The following GNB4 variants were observed in gnomAD, a reference collection of about 807,000 sequenced individuals.
GNB4 encodes G protein subunit beta 4, also known as guanine nucleotide-binding protein subunit beta-4.
Under a neutral mutation model 45.2 loss-of-function variants are expected in GNB4, and 28 were observed. The observed-to-expected ratio is 0.62, with a 90% CI of 0.46 to 0.85. The LOEUF is 0.85. Among genes scored for constraint, GNB4 ranks in the 40% least tolerant of loss-of-function variants. The pLI, the probability that GNB4 is intolerant of heterozygous loss-of-function variation, is 0.00. For missense variants in GNB4, 321 were observed against 425.4 expected, an observed-to-expected ratio of 0.75 and a Z score of 2.16; for synonymous variants, 132 against 143.7, an observed-to-expected ratio of 0.92 and a Z score of 0.58.
chr3:179,449,422 C>T (rs140597822), intron 1 of GNB4, among the ~76,000 whole-genome samples: 1 of 152,308 alleles, frequency 6.6e-6, no homozygotes, highest in East Asian at 1.9e-4. Context: ...AAACATGCTT[C>T]TGGCATGTCT....
At chr3:179,408,806 GAAAGAAACTCAAAAAAAA>G (rs1351133795) in intron 8 of GNB4, among the ~76,000 whole-genome samples, 2 of 139,748 alleles carry the variant, frequency 1.4e-5, no homozygotes, top group Non-Finnish European at 3.2e-5. Context: ...AAAAGAAAAA[GAAAGAAACTCAAAAAAAA>G]AAAGAAACTC....
chr3:179,488,110 C>T, the GNB4 span, among the ~76,000 whole-genome samples: 2 of 151,988 alleles, frequency 1.3e-5, no homozygotes, highest in South Asian at 4.2e-4. Context: ...AACTGATCCT[C>T]CTGTTCCAAA....
chr3:179,450,813 C>T (rs1715849566), intron 1 of GNB4, among the ~76,000 whole-genome samples: 1 of 152,198 alleles, frequency 6.6e-6, no homozygotes, highest in Non-Finnish European at 1.5e-5. Flanking sequence ...AATCCCCTCC[C>T]ATCCCCAAAC....
the GNB4 span, among the ~76,000 whole-genome samples, chr3:179,487,248 A>C: frequency 6.6e-6 from 1 of 152,258 alleles, no homozygotes; most frequent in African/African-American, 2.4e-5. Context: ...TGAATATGCC[A>C]ATAAAATTTG....
the GNB4 span, among the ~76,000 whole-genome samples, chr3:179,527,719 T>C: frequency 1.3e-5 from 2 of 152,178 alleles, no homozygotes; most frequent in South Asian, 4.1e-4. Flanking sequence ...ACTTACCTAC[T>C]TCATTTGTGA....
rs573701390 is a variant in GNB4, at chr3:179,408,581, A to G, written c.700-3175T>C. On this transcript the variant is annotated intron_variant, in intron 8 of 9. Transcript: ENST00000232564. Reference sequence around the variant, plus strand: ...CGAGGCAGACAGATCACCTGAGGTCAGGAGTTCAAGACCAGCCTGGCCAAT... The same window carrying G: ...CGAGGCAGACAGATCACCTGAGGTCGGGAGTTCAAGACCAGCCTGGCCAAT... Among the ~76,000 whole-genome samples, 3 of 152,232 alleles carry G rather than the reference A, an allele frequency of 2.0e-5. No homozygotes were observed. The South Asian group carries it at 6.2e-4, about 32-fold the overall frequency.
the GNB4 span, among the ~76,000 whole-genome samples, chr3:179,516,424 A>G: frequency 6.6e-6 from 1 of 152,196 alleles, no homozygotes; most frequent in Non-Finnish European, 1.5e-5. Flanking sequence ...ACCCAGACTA[A>G]GAGGTATTTT....
intron 1 of GNB4, among the ~76,000 whole-genome samples, chr3:179,430,970 A>G (rs1273613116): frequency 1.3e-5 from 2 of 152,164 alleles, no homozygotes; most frequent in Admixed American, 6.6e-5. Context: ...GAAGTATTTT[A>G]AAGTCAGTTA....
At chr3:179,503,930 T>G in the GNB4 span, among the ~76,000 whole-genome samples, 1 of 152,148 alleles carries the variant, frequency 6.6e-6, no homozygotes, top group South Asian at 2.1e-4. Flanking sequence ...TTCTTTTGCT[T>G]GTAAGATGGA....
intron 1 of GNB4, among the ~76,000 whole-genome samples, chr3:179,438,888 C>T (rs144717384): frequency 1.1e-3 from 162 of 152,310 alleles, no homozygotes; most frequent in African/African-American, 3.9e-3. Context: ...CTTGCCCCAC[C>T]TCATTAGCAG....
chr3:179,404,626 G>A (rs1267349630), intron 9 of GNB4, among the ~76,000 whole-genome samples: 4 of 152,184 alleles, frequency 2.6e-5, no homozygotes, highest in Non-Finnish European at 4.4e-5. Context: ...AGCAACTGCT[G>A]TGTTTTGGTA....
At chr3:179,404,581 T>C (rs1041007403) in intron 9 of GNB4, among the ~76,000 whole-genome samples, 9 of 152,212 alleles carry the variant, frequency 5.9e-5, no homozygotes, top group Admixed American at 1.3e-4. Context: ...TAAATGTAGT[T>C]ACTTTGGGGA....
chr3:179,446,420 A>G (rs1375861347), intron 1 of GNB4, among the ~76,000 whole-genome samples: 2 of 152,264 alleles, frequency 1.3e-5, no homozygotes, highest in Non-Finnish European at 2.9e-5. Context: ...AGTATATTTA[A>G]GCAGGAATTC....
At chr3:179,438,411 C>T (rs1430366250) in intron 1 of GNB4, among the ~76,000 whole-genome samples, 2 of 152,120 alleles carry the variant, frequency 1.3e-5, no homozygotes, top group East Asian at 1.9e-4. Flanking sequence ...GATCTCTACC[C>T]CTATGGGATT....
At chr3:179,440,746 C>A (rs533517106) in intron 1 of GNB4, among the ~76,000 whole-genome samples, 25 of 152,166 alleles carry the variant, frequency 1.6e-4, no homozygotes, top group African/African-American at 5.8e-4. Flanking sequence ...AGTAAACTTT[C>A]ATGCATAAAA....
chr3:179,478,185 C>A, the GNB4 span, among the ~76,000 whole-genome samples: 1 of 152,140 alleles, frequency 6.6e-6, no homozygotes, highest in African/African-American at 2.4e-5. Flanking sequence ...AACAAACCAA[C>A]TCTCATGATG....
At chr3:179,478,911 C>T in the GNB4 span, among the ~76,000 whole-genome samples, 2 of 152,172 alleles carry the variant, frequency 1.3e-5, no homozygotes, top group African/African-American at 4.8e-5. Context: ...TCCCACCTCT[C>T]TCTCTTCTTC....
At chr3:179,494,409 A>G in the GNB4 span, among the ~76,000 whole-genome samples, 1 of 152,110 alleles carries the variant, frequency 6.6e-6, no homozygotes, top group Non-Finnish European at 1.5e-5. Context: ...GTTGTGGCAC[A>G]TGCCTGTAAT....
chr3:179,521,502 A>G, the GNB4 span, among the ~76,000 whole-genome samples: 4 of 152,092 alleles, frequency 2.6e-5, no homozygotes, highest in Non-Finnish European at 4.4e-5. Context: ...CTGCACCCCA[A>G]AAAAACTTGT....
Sources: gnomAD v4.1 joint callset for allele counts (sites outside exome capture counted in the v4.1 genomes callset) on GRCh38, gnomAD v4.1.1 for gene constraint, MANE v1.5 for transcripts, NCBI Gene and HGNC (gene_info 2026-07-23, HGNC 2026-07-21) for gene names.